MFSD8: variants seen among roughly 807,000 people sequenced by gnomAD.
MFSD8 encodes major facilitator superfamily domain containing 8, also known as major facilitator superfamily domain-containing protein 8.
MFSD8 carries 55 observed loss-of-function variants against 66.4 expected under a neutral mutation model. That is an observed-to-expected ratio of 0.83 (90% CI 0.67 to 1.04). The LOEUF is 1.04. MFSD8 is among the 50% of genes least tolerant of loss of function. MFSD8 has a pLI of 0.00. For synonymous variants in MFSD8, 202 were observed against 212.8 expected, an observed-to-expected ratio of 0.95 and a Z score of 0.44; for missense variants, 550 against 627.6, an observed-to-expected ratio of 0.88 and a Z score of 1.32.
At position 127,964,887 on chromosome 4, in the gene MFSD8, G is replaced by A. The variant is rs186857821; in HGVS notation, c.62+185C>T. 1.9e-4 allele frequency: 134 copies of A among 712,524 alleles called. No individual in the cohort carries two copies. In the Middle Eastern group the frequency reaches 2.7e-3, roughly 14 times the overall value. The allele number at this position is 712,524 out of a possible 1,614,324, so 44.1% of individuals were successfully genotyped here. On this transcript the variant is annotated intron_variant, in intron 1 of 11. Coordinates refer to ENST00000641686, the MANE Select transcript of MFSD8 (RefSeq NM_001371596.2). ...CCACGGGCTCATCACCGCACGGTGCGGCCAGACGCCCTTTCTCCTACGTTG... is the reference window on the plus strand; with the variant it reads ...CCACGGGCTCATCACCGCACGGTGCAGCCAGACGCCCTTTCTCCTACGTTG...
intron 1 of MFSD8, 76 bp downstream of exon 1, chr4:127,964,996 T>G: frequency 6.5e-7 from 1 of 1,546,982 alleles, no homozygotes; most frequent in Non-Finnish European, 8.8e-7. Context: ...TTTGTCCCAG[T>G]GCGGGTGACG....
At position 127,928,194 on chromosome 4, in the gene MFSD8, C is replaced by T. The variant is rs532913353; in HGVS notation, c.998+2489G>A. On this transcript the variant is annotated intron_variant, in intron 9 of 11. Coordinates refer to ENST00000641686, the MANE Select transcript of MFSD8 (RefSeq NM_001371596.2). ...AGCCTCCTGAGTAGCTGGGACTACA[C>T]GCACATGCCACCACACCCTCTATTT... Among the ~76,000 whole-genome samples the T allele has an allele frequency of 2.6e-3, 390 of 152,162 alleles. 1 individual carries two copies. The highest frequency in any genetic ancestry group is 0.017 in the South Asian group (80 of 4,814).
chr4:127,957,541 A>G lies in MFSD8; in HGVS notation c.114T>C (p.Ser38=), dbSNP rs2148972697. Residue 38 remains serine (S), a synonymous_variant, in exon 2 of 12, where the codon TCT becomes TCC. Transcript: ENST00000641686. ...ACATAGTAAGATATAAAATCCTAAT[A>G]GATCTCCATCGGCTCTTATAATGCT... ...TEEHYKSRWR[S]IRILYLTMFL... is the part of the protein sequence containing the mutation. 6.2e-7 allele frequency: 1 copy of G among 1,611,712 alleles called. No homozygotes were observed. Among genetic ancestry groups the G allele is most frequent in the Non-Finnish European group, 8.5e-7 (1 of 1,178,142 alleles).
At chr4:127,925,247 C>T (rs1004065544) in intron 9 of MFSD8, among the ~76,000 whole-genome samples, 2 of 152,132 alleles carry the variant, frequency 1.3e-5, no homozygotes, top group African/African-American at 4.8e-5. Flanking sequence ...TAAATGGGAT[C>T]TAATTAAACT....
chr4:127,931,196 T>C (rs1191273969), intron 8 of MFSD8, among the ~76,000 whole-genome samples: 2 of 152,202 alleles, frequency 1.3e-5, no homozygotes, highest in Non-Finnish European at 2.9e-5. Flanking sequence ...AATAATGTTA[T>C]ATTAAGTTAT....
chr4:127,921,182 G>C (rs554654017), intron 11 of MFSD8: 16 of 564,448 alleles, frequency 2.8e-5, no homozygotes, highest in African/African-American at 2.8e-4. Flanking sequence ...CACAAGTTTC[G>C]ATGACAGGTG....
chr4:127,939,754 A>G, intron 6 of MFSD8, 99 bp downstream of exon 6: 2 of 1,358,094 alleles, frequency 1.5e-6, no homozygotes, highest in Non-Finnish European at 2.0e-6. Flanking sequence ...GACATAAAAA[A>G]CTACGTACAC....
chr4:127,948,118 A>C (rs1422740081), intron 3 of MFSD8, among the ~76,000 whole-genome samples: 2 of 152,124 alleles, frequency 1.3e-5, no homozygotes, highest in Admixed American at 6.5e-5. Context: ...GAAAGGTAGG[A>C]CCTTTAAGAA....
chr4:127,956,042 C>T (rs1042857903), intron 2 of MFSD8, among the ~76,000 whole-genome samples: 1 of 151,902 alleles, frequency 6.6e-6, no homozygotes, highest in Admixed American at 6.6e-5. Context: ...TTGCTCGAAC[C>T]CAGGAGGCAG....
chr4:127,936,758 C>T (rs1371132383), intron 7 of MFSD8, among the ~76,000 whole-genome samples: 1 of 152,014 alleles, frequency 6.6e-6, no homozygotes, highest in African/African-American at 2.4e-5. Context: ...TTACAGGCAA[C>T]CCTATTAAGT....
At chr4:127,924,684 C>T (rs1736900240) in intron 9 of MFSD8, among the ~76,000 whole-genome samples, 1 of 152,110 alleles carries the variant, frequency 6.6e-6, no homozygotes, top group Admixed American at 6.5e-5. Context: ...CTTATGGATT[C>T]AATGCTATCC....
intron 9 of MFSD8, among the ~76,000 whole-genome samples, chr4:127,924,634 A>C (rs902315333): frequency 6.6e-6 from 1 of 152,222 alleles, no homozygotes; most frequent in African/African-American, 2.4e-5. Context: ...ATGGACAGTA[A>C]GAATCAATAT....
chr4:127,964,456 C>T (rs1744583541), intron 1 of MFSD8, among the ~76,000 whole-genome samples: 1 of 152,242 alleles, frequency 6.6e-6, no homozygotes, highest in African/African-American at 2.4e-5. Context: ...GGACCCAGCA[C>T]ACCCTCCGCA....
rs75248980 is a variant in MFSD8, at chr4:127,926,737, C to G, written c.998+3946G>C. 5.5e-3 allele frequency among the ~76,000 whole-genome samples: 838 copies of G among 152,290 alleles called. 13 individuals carry two copies. The highest frequency in any genetic ancestry group is 0.019 in the African/African-American group (794 of 41,566). ...CCCCCATAGCACTGAACCTGATACA[C>G]TGACTTAACATTTGTTGATTAATTT... On this transcript the variant is annotated intron_variant, in intron 9 of 11. Transcript: ENST00000641686.
intron 2 of MFSD8, among the ~76,000 whole-genome samples, chr4:127,951,333 G>A (rs1043433368): frequency 2.0e-5 from 3 of 152,054 alleles, no homozygotes; most frequent in Non-Finnish European, 4.4e-5. Flanking sequence ...GGATTCAAGC[G>A]ATTCTCCTGC....
At chr4:127,954,054 T>G (rs1399382492) in intron 2 of MFSD8, among the ~76,000 whole-genome samples, 1 of 152,186 alleles carries the variant, frequency 6.6e-6, no homozygotes, top group Admixed American at 6.5e-5. Flanking sequence ...GGGTTTCTAC[T>G]TGGAAAAAAA....
At chr4:127,958,361 C>G (rs1743221220) in intron 1 of MFSD8, among the ~76,000 whole-genome samples, 1 of 152,086 alleles carries the variant, frequency 6.6e-6, no homozygotes, top group African/African-American at 2.4e-5. Context: ...TTCAAATAAT[C>G]AAGACATGCA....
intron 1 of MFSD8, among the ~76,000 whole-genome samples, chr4:127,959,695 A>G (rs1743437759): frequency 6.6e-6 from 1 of 152,218 alleles, no homozygotes; most frequent in African/African-American, 2.4e-5. Flanking sequence ...AGTTAGTGAC[A>G]GGATATACAG....
chr4:127,943,769 A>G lies in MFSD8; in HGVS notation c.422T>C (p.Leu141Ser), dbSNP rs1740590363. The change falls in exon 4 of 12, where the codon TTG becomes TCG. Residue 141 changes from leucine (L) to serine (S), a missense_variant. Leu to Ser is a moderately radical substitution (Grantham distance 145). Coordinates refer to ENST00000641686, the MANE Select transcript of MFSD8 (RefSeq NM_001371596.2). Reference protein sequence around the residue: ...NKYYMLVARGLLGIGAGNVAV... With the variant: ...NKYYMLVARGSLGIGAGNVAV... The stretch of plus-strand genomic sequence containing the variant: ...AACCTTACCTGCTCCAATTCCCAAC[A>G]ATCCACGAGCAACCAGCATGTAGTA... The G allele has an allele frequency of 6.2e-7, 1 of 1,614,180 alleles. No individual in the cohort carries two copies. The highest frequency in any genetic ancestry group is 1.7e-5 in the Admixed American group (1 of 60,024).
Sources: gnomAD v4.1 joint callset for allele counts (sites outside exome capture counted in the v4.1 genomes callset) on GRCh38, gnomAD v4.1.1 for gene constraint, MANE v1.5 for transcripts, NCBI Gene and HGNC (gene_info 2026-07-23, HGNC 2026-07-21) for gene names.